The following PCDHA3 variants were observed in gnomAD, a reference collection of about 807,000 sequenced individuals.
PCDHA3 encodes the protein protocadherin alpha-3.
In PCDHA3, 41 loss-of-function variants were observed where a neutral mutation model predicts 62.2. That is an observed-to-expected ratio of 0.66 (90% confidence interval 0.51 to 0.86). The LOEUF (loss-of-function observed/expected upper bound fraction) is 0.86. PCDHA3 is among the 40% of genes least tolerant of loss of function. PCDHA3 has a pLI of 0.00. For missense variants in PCDHA3, 1,304 were observed against 1,241.2 expected (o/e 1.05, Z -0.76); for synonymous variants, 640 against 555.4 (o/e 1.15, Z -2.14).
chr5:140,942,840 T>C (rs75984395), intron 1 of PCDHA3, among the ~76,000 whole-genome samples: 6,117 of 152,206 alleles, frequency 0.04, 136 homozygotes, highest in Non-Finnish European at 0.052. Context: ...CAATAAAAAT[T>C]CCAGTAAGAT....
intron 1 of PCDHA3, chr5:140,805,578 C>T (rs1029560750): frequency 3.2e-6 from 3 of 945,614 alleles, no homozygotes; most frequent in South Asian, 4.9e-5. Context: ...TTTTAAATGG[C>T]TACCATTATG....
At chr5:140,853,146 T>G in intron 1 of PCDHA3, 1 of 817,808 alleles carries the variant, frequency 1.2e-6, no homozygotes, top group Non-Finnish European at 1.5e-6. Flanking sequence ...CCCAAAATGC[T>G]GGGATTACAG....
chr5:140,951,543 C>CG (rs1201907714), intron 1 of PCDHA3, among the ~76,000 whole-genome samples: 2 of 151,428 alleles, frequency 1.3e-5, no homozygotes. Flanking sequence ...GAGCAAGGGA[C>CG]GGGGGGAAGT....
chr5:140,899,721 T>C (rs1415074846), intron 1 of PCDHA3, among the ~76,000 whole-genome samples: 1 of 152,250 alleles, frequency 6.6e-6, no homozygotes, highest in Non-Finnish European at 1.5e-5. Flanking sequence ...GATTCCCTCT[T>C]TTTCTATTGA....
intron 1 of PCDHA3, among the ~76,000 whole-genome samples, chr5:140,923,952 C>T (rs1313695833): frequency 5.9e-5 from 9 of 152,178 alleles, no homozygotes; most frequent in Non-Finnish European, 1.0e-4. Context: ...TTTCCTCACG[C>T]CCTAATCTAT....
At chr5:140,994,789 G>A (rs901197365) in intron 3 of PCDHA3, among the ~76,000 whole-genome samples, 8 of 152,260 alleles carry the variant, frequency 5.3e-5, no homozygotes, top group South Asian at 4.1e-4. Flanking sequence ...GAAACAATGC[G>A]TGCATGCAAA....
intron 1 of PCDHA3, among the ~76,000 whole-genome samples, chr5:140,961,599 G>T (rs1012408317): frequency 6.6e-6 from 1 of 152,062 alleles, no homozygotes; most frequent in African/African-American, 2.4e-5. Context: ...AATGATTCTA[G>T]TAAATGAAAC....
intron 1 of PCDHA3, among the ~76,000 whole-genome samples, chr5:140,965,168 T>A (rs1484687706): frequency 6.6e-6 from 1 of 152,180 alleles, no homozygotes; most frequent in Non-Finnish European, 1.5e-5. Context: ...GACGTTTTAG[T>A]GAGTGCTTTT....
intron 1 of PCDHA3, among the ~76,000 whole-genome samples, chr5:140,931,398 T>C: frequency 6.6e-6 from 1 of 152,112 alleles, no homozygotes; most frequent in African/African-American, 2.4e-5. Context: ...AAGTAAGCGA[T>C]AGGAAGGCTG....
At chr5:140,848,091 A>C (rs1781318033) in intron 1 of PCDHA3, 1 of 168,880 alleles carries the variant, frequency 5.9e-6, no homozygotes, top group South Asian at 1.5e-4. Context: ...TTAAGTGGAG[A>C]GTTTTCTCAG....
At chr5:140,942,949 G>A (rs1183072564) in intron 1 of PCDHA3, among the ~76,000 whole-genome samples, 10 of 151,942 alleles carry the variant, frequency 6.6e-5, no homozygotes, top group Admixed American at 1.3e-4. Flanking sequence ...AAGTGTAGAC[G>A]TTCTGTTATC....
Position 140,802,970 on chromosome 5 carries a change from A to T in PCDHA3, c.1773A>T (p.Val591=), listed in dbSNP as rs781822296. The change falls in exon 1 of 4, where the codon GTA becomes GTT. Residue 591 remains valine (V), a synonymous_variant. Transcript: ENST00000522353. ...VPRSVGAGHV[V]AKVRAVDADS... Reference sequence around the variant, plus strand: ...GGTCAGTGGGTGCGGGCCACGTGGTAGCGAAGGTGCGCGCAGTGGATGCAG... The same window carrying T: ...GGTCAGTGGGTGCGGGCCACGTGGTTGCGAAGGTGCGCGCAGTGGATGCAG... 6.2e-7 allele frequency: 1 copy of T among 1,613,964 alleles called. No individual in the cohort carries two copies. The highest frequency in any genetic ancestry group is 8.5e-7 in the Non-Finnish European group (1 of 1,179,902).
chr5:140,877,764 G>A, intron 1 of PCDHA3: 2 of 1,614,160 alleles, frequency 1.2e-6, no homozygotes, highest in Non-Finnish European at 1.7e-6. Context: ...CAGAGAGCCC[G>A]CCCAAGACGG....
At position 140,802,869 on chromosome 5, in the gene PCDHA3, G is replaced by A. The variant is rs915930472; in HGVS notation, c.1672G>A (p.Glu558Lys). Reference protein sequence around the residue: ...NVTLQVFVLDENDNAPALLMP... With the variant: ...NVTLQVFVLDKNDNAPALLMP... ...GACGCTGCAGGTGTTCGTGCTGGAC[G>A]AGAACGACAACGCGCCGGCACTGCT... Residue 558 changes from glutamate to lysine, a missense_variant, in exon 1 of 4, where the codon GAG becomes AAG. Glu to Lys is a moderately conservative substitution (Grantham distance 56). Transcript: ENST00000522353. The A allele has an allele frequency of 6.2e-7, 1 of 1,613,718 alleles. No individual in the cohort carries two copies. Among genetic ancestry groups the A allele is most frequent in the Non-Finnish European group, 8.5e-7 (1 of 1,179,904 alleles).
rs1554122016 is a variant in PCDHA3 at position 140,802,304 on chromosome 5, C to A, written c.1107C>A (p.Ile369=). Residue 369 remains isoleucine, a synonymous_variant, in exon 1 of 4, where the codon ATC becomes ATA. Coordinates refer to ENST00000522353, the MANE Select transcript of PCDHA3 (RefSeq NM_018906.3). The part of the protein sequence containing the change: ...VLEDSPLSTV[I]ALISVSDRDS... ...AAGACTCTCCACTTAGCACAGTCATCGCTCTGATCAGCGTGTCCGACCGCG... is the reference window on the plus strand; with the variant it reads ...AAGACTCTCCACTTAGCACAGTCATAGCTCTGATCAGCGTGTCCGACCGCG... 1.2e-6 allele frequency: 2 copies of A among 1,614,232 alleles called. No homozygotes were observed. Among genetic ancestry groups the A allele is most frequent in the Admixed American group, 1.7e-5 (1 of 60,032 alleles).
intron 1 of PCDHA3, chr5:140,928,827 A>G (rs1554206364): frequency 6.2e-7 from 1 of 1,614,130 alleles, no homozygotes. Flanking sequence ...GAGACCCACC[A>G]CTTTCCTCCT....
Position 140,835,890 on chromosome 5 carries a change from G to C in PCDHA3, c.2394+32299G>C, listed in dbSNP as rs147416989. 5.6e-6 allele frequency: 9 copies of C among 1,611,850 alleles called. No individual in the cohort carries two copies. The Admixed American group carries it at 1.5e-4, about 27-fold the overall frequency. On this transcript the variant is annotated intron_variant, in intron 1 of 3. Transcript: ENST00000522353. The stretch of plus-strand genomic sequence containing the variant: ...GGTGGAGCTGCGGGTGGGCGAGCGC[G>C]CGCTGTCGAGCTACGTGTCAGTGCA...
At chr5:140,950,343 A>C (rs1169343189) in intron 1 of PCDHA3, among the ~76,000 whole-genome samples, 9 of 151,988 alleles carry the variant, frequency 5.9e-5, no homozygotes, top group African/African-American at 2.2e-4. Context: ...GATTTATCTT[A>C]GTTTTCCTTT....
intron 1 of PCDHA3, among the ~76,000 whole-genome samples, chr5:140,950,183 GA>G (rs879992336): frequency 5.9e-5 from 9 of 151,666 alleles, no homozygotes; most frequent in African/African-American, 1.7e-4. Context: ...AATTAAGAAG[GA>G]AAAAAATAGT....
Sources: gnomAD v4.1 joint callset for allele counts (sites outside exome capture counted in the v4.1 genomes callset) on GRCh38, gnomAD v4.1.1 for gene constraint, MANE v1.5 for transcripts, NCBI Gene and HGNC (gene_info 2026-07-23, HGNC 2026-07-21) for gene names.